The following DSG2 variants were observed in gnomAD, a reference collection of about 807,000 sequenced individuals.
DSG2 encodes the protein desmoglein-2.
Under a neutral mutation model 75.6 loss-of-function variants are expected in DSG2, and 45 were observed. The observed-to-expected ratio is 0.60, with a 90% CI of 0.47 to 0.76. The LOEUF is 0.76. Among genes scored for constraint, DSG2 ranks in the 30% least tolerant of loss-of-function variants. The pLI is 0.00. For synonymous variants in DSG2, 429 were observed against 483.9 expected (o/e 0.89, Z 1.49); for missense variants, 1,267 against 1,357.4 (o/e 0.93, Z 1.05).
Position 31,503,251 on chromosome 18 carries a change from C to T in DSG2, c.45+4955C>T, listed in dbSNP as rs568709997. Among the ~76,000 whole-genome samples, 18 of 152,190 alleles carry T rather than the reference C, an allele frequency of 1.2e-4. 1 individual carries two copies. The East Asian group carries it at 3.1e-3, about 26-fold the overall frequency. ...AAATGGCTAACTTCCAAATGGGTAA[C>T]GATAAGAAGAGTAATAATAGAGAAA... is the stretch of plus-strand genomic sequence containing the variant. On this transcript the variant is annotated intron_variant, in intron 1 of 14. Coordinates refer to ENST00000261590, the MANE Select transcript of DSG2 (RefSeq NM_001943.5).
chr18:31,530,611 A>G (rs1299441889), intron 8 of DSG2, among the ~76,000 whole-genome samples: 4 of 151,944 alleles, frequency 2.6e-5, no homozygotes, highest in African/African-American at 9.7e-5. Context: ...TACAGATGGG[A>G]ACTCCCTATG....
intron 6 of DSG2, among the ~76,000 whole-genome samples, chr18:31,524,246 T>A (rs751097612): frequency 7.0e-4 from 107 of 152,238 alleles, no homozygotes; most frequent in Non-Finnish European, 1.4e-3. Context: ...AATTTGACTA[T>A]CTACAACTCC....
At chr18:31,508,129 T>A in intron 1 of DSG2, among the ~76,000 whole-genome samples, 1 of 152,148 alleles carries the variant, frequency 6.6e-6, no homozygotes, top group Non-Finnish European at 1.5e-5. Context: ...GGGTCCAGTT[T>A]CAGTTTTCTG....
chr18:31,509,660 G>A (rs1327870297), intron 1 of DSG2, among the ~76,000 whole-genome samples: 1 of 152,148 alleles, frequency 6.6e-6, no homozygotes, highest in African/African-American at 2.4e-5. Flanking sequence ...AGTGCAGTAG[G>A]TGAATTCCAA....
chr18:31,499,357 CGT>C (rs34693299), intron 1 of DSG2, among the ~76,000 whole-genome samples: 1,850 of 149,616 alleles, frequency 0.012, 16 homozygotes, highest in Non-Finnish European at 0.016. Flanking sequence ...GGAAGAAAAT[CGT>C]GTGTGTGTGT....
At chr18:31,519,230 T>C (rs2073112564) in intron 2 of DSG2, among the ~76,000 whole-genome samples, 1 of 152,188 alleles carries the variant, frequency 6.6e-6, no homozygotes, top group African/African-American at 2.4e-5. Context: ...TTTCAAACTC[T>C]CACTCTGGGA....
Position 31,524,539 on chromosome 18 carries a change from G to T in DSG2, c.782G>T (p.Arg261Leu), listed in dbSNP as rs727502984. The change falls in exon 7 of 15, where the codon CGT (arginine) becomes CTT (leucine). Residue 261 changes from arginine (R) to leucine (L), a missense_variant. Arg to Leu is a moderately radical substitution (Grantham distance 102, BLOSUM62 -2). Transcript: ENST00000261590. Reference protein sequence around the residue: ...KPVKQAQVQIRILDVNDNIPV... With the variant: ...KPVKQAQVQILILDVNDNIPV... The stretch of plus-strand genomic sequence containing the variant: ...GTAAAACAAGCTCAAGTTCAGATTC[G>T]TATTTTGGATGTCAATGACAATATA... 1.2e-6 allele frequency: 2 copies of T among 1,614,040 alleles called. No individual in the cohort carries two copies. Among genetic ancestry groups the T allele is most frequent in the East Asian group, 2.2e-5 (1 of 44,860 alleles).
chr18:31,545,826 T>C lies in DSG2; in HGVS notation c.2440T>C (p.Cys814Arg), dbSNP rs2073301728. The C allele has an allele frequency of 6.2e-7, 1 of 1,614,088 alleles. No homozygotes were observed. Among genetic ancestry groups the C allele is most frequent in the South Asian group, 1.1e-5 (1 of 91,090 alleles). ...TESLNASIGCCSFIEGELDDR... is the reference protein window; with the variant it reads ...TESLNASIGCRSFIEGELDDR... ...ATCGCTGAATGCTTCTATTGGTTGT[T>C]GCAGTTTTATTGAAGGAGAGCTAGA... Residue 814 changes from cysteine to arginine, a missense_variant, in exon 15 of 15, where the codon TGC becomes CGC. By Grantham distance (180) the Cys-to-Arg change is radical. Transcript: ENST00000261590.
In DSG2 at chr18:31,542,901, G is replaced by A. The variant is rs79597696; in HGVS notation, c.2334+49G>A. 2.6e-4 allele frequency: 275 copies of A among 1,041,136 alleles called. No individual in the cohort carries two copies. In the African/African-American group the frequency reaches 3.7e-3, roughly 14 times the overall value. 64.5% of individuals were successfully genotyped at this position (1,041,136 alleles called of 1,614,324 possible). Reference sequence around the variant, plus strand: ...GTGGTGGGGGGTGGGGGGAACATTTGTATGTGAATGTGATATTATTAGGGT... The same window carrying A: ...GTGGTGGGGGGTGGGGGGAACATTTATATGTGAATGTGATATTATTAGGGT... On this transcript the variant is annotated intron_variant, in intron 14 of 14. Transcript: ENST00000261590.
At chr18:31,514,146 T>G (rs73416242) in intron 1 of DSG2, among the ~76,000 whole-genome samples, 2,545 of 152,306 alleles carry the variant, frequency 0.017, 81 homozygotes, top group African/African-American at 0.057. Flanking sequence ...GGAATTTAGT[T>G]AACAGTGCAT....
rs1332379061 is a variant in DSG2 at position 31,519,799 on chromosome 18, A to T, written c.82-4A>T. The T allele has an allele frequency of 6.2e-7, 1 of 1,613,982 alleles. No homozygotes were observed. Among genetic ancestry groups the T allele is most frequent in the Non-Finnish European group, 8.5e-7 (1 of 1,179,844 alleles). On this transcript the variant is annotated splice_polypyrimidine_tract_variant and splice_region_variant and intron_variant, in intron 2 of 14. Coordinates refer to ENST00000261590, the MANE Select transcript of DSG2 (RefSeq NM_001943.5). ...TAAATTTTGGCAATATTCTATTGTTATAGGTCTTAAGCACAAGAAATGAAA... is the reference window on the plus strand; with the variant it reads ...TAAATTTTGGCAATATTCTATTGTTTTAGGTCTTAAGCACAAGAAATGAAA...
At chr18:31,520,520 A>G (rs1301514661) in intron 3 of DSG2, among the ~76,000 whole-genome samples, 3 of 152,128 alleles carry the variant, frequency 2.0e-5, no homozygotes, top group Non-Finnish European at 4.4e-5. Flanking sequence ...AATTGATGCT[A>G]TAATTCTCTC....
In DSG2 at chr18:31,521,095, T is replaced by C. The variant is rs753141182; in HGVS notation, c.379-4T>C. The C allele has an allele frequency of 1.5e-5, 25 of 1,613,850 alleles. No homozygotes were observed. The highest frequency in any genetic ancestry group is 2.7e-5 in the African/African-American group (2 of 74,918). On this transcript the variant is annotated splice_polypyrimidine_tract_variant and splice_region_variant and intron_variant, in intron 4 of 14. Coordinates refer to ENST00000261590, the MANE Select transcript of DSG2 (RefSeq NM_001943.5). Reference sequence around the variant, plus strand: ...ATCTAATCTTATTTATGTCATGATTTCAGCTAACAGGTTACGCTTTGGATG... The same window carrying C: ...ATCTAATCTTATTTATGTCATGATTCCAGCTAACAGGTTACGCTTTGGATG...
At chr18:31,511,196 C>T (rs765075622) in intron 1 of DSG2, among the ~76,000 whole-genome samples, 12 of 152,186 alleles carry the variant, frequency 7.9e-5, no homozygotes, top group Non-Finnish European at 1.6e-4. Context: ...GTCTTAACCT[C>T]GGCACTTGGC....
intron 1 of DSG2, among the ~76,000 whole-genome samples, chr18:31,506,129 A>G (rs566457404): frequency 6.6e-6 from 1 of 152,306 alleles, no homozygotes; most frequent in South Asian, 2.1e-4. Flanking sequence ...GCTGTGTGCC[A>G]GTCACTGGAT....
intron 6 of DSG2, chr18:31,522,757 TTAGGAGGCTCCTCCACGGCTAGTACG>T: frequency 6.4e-6 from 1 of 155,392 alleles, no homozygotes; most frequent in South Asian, 2.0e-4. Context: ...TAATGAAACA[TTAGGAGGCTCCTCCACGGCTAGTACG>T]TAGGAGGCAG....
At chr18:31,511,357 C>T (rs1198790016) in intron 1 of DSG2, among the ~76,000 whole-genome samples, 2 of 152,172 alleles carry the variant, frequency 1.3e-5, no homozygotes, top group African/African-American at 4.8e-5. Context: ...GAAACGTCTC[C>T]AGACATTACC....
At chr18:31,506,081 G>T (rs1313420091) in intron 1 of DSG2, among the ~76,000 whole-genome samples, 1 of 152,324 alleles carries the variant, frequency 6.6e-6, no homozygotes, top group South Asian at 2.1e-4. Context: ...GTGGAGAAAG[G>T]AGTATAAGGA....
chr18:31,546,435 A>AG lies in DSG2; in HGVS notation c.3052dup (p.Glu1018GlyfsTer20), dbSNP rs1261674855. ...TCAAGATGTACCTTACGTCATGGTGAGGGAAAGAGAGAGCTTCCTTGCCCC... is the reference window on the plus strand; with the variant it reads ...TCAAGATGTACCTTACGTCATGGTGAGGGGAAAGAGAGAGCTTCCTTGCCCC... On this transcript the variant is annotated frameshift_variant, in exon 15 of 15. Coordinates refer to ENST00000261590, the MANE Select transcript of DSG2 (RefSeq NM_001943.5). LOFTEE classifies it low-confidence loss of function (END_TRUNC). 1.2e-6 allele frequency: 2 copies of AG among 1,614,164 alleles called. No individual in the cohort carries two copies. The highest frequency in any genetic ancestry group is 3.3e-5 in the Admixed American group (2 of 60,022).
Sources: allele counts gnomAD v4.1 joint callset (sites outside exome capture counted in the v4.1 genomes callset), GRCh38; gene constraint gnomAD v4.1.1; transcripts MANE v1.5; gene names NCBI Gene and HGNC (gene_info 2026-07-23, HGNC 2026-07-21).